The following KLHL30 variants were observed in gnomAD, a reference collection of about 807,000 sequenced individuals.
KLHL30 encodes the protein kelch-like protein 30.
Under a neutral mutation model 55.0 loss-of-function variants are expected in KLHL30, and 55 were observed. The ratio of observed to expected loss-of-function variants is 1.00; its 90% CI spans 0.80 to 1.25. KLHL30 has a LOEUF of 1.25. Ranked by LOEUF, KLHL30 falls within the 50% of genes most tolerant of loss-of-function variation. The probability of loss-of-function intolerance (pLI) is 0.00; values close to 1 mark genes in which losing one functional copy is unlikely to be tolerated. For synonymous variants in KLHL30, 356 were observed against 372.6 expected (o/e 0.96, Z 0.51); for missense variants, 786 against 811.6 (o/e 0.97, Z 0.38).
chr2:238,150,291 C>T lies in KLHL30; in HGVS notation c.1486-523C>T, dbSNP rs541625631. ...ACAGACCGGCCTCCCGCTTCCCACC[C>T]GCCCGGGCTCTTCCTGAAGCCGCAG... On this transcript the variant is annotated intron_variant, in intron 7 of 7. Transcript: ENST00000409223. 4.6e-5 allele frequency among the ~76,000 whole-genome samples: 7 copies of T among 152,326 alleles called. No homozygotes were observed. In the South Asian group the frequency reaches 8.3e-4, roughly 18 times the overall value.
chr2:238,150,991 T>C lies in KLHL30; in HGVS notation c.1663T>C (p.Tyr555His). ...RHGALPRLWLYHGASTVFLDV... is the reference protein window; with the variant it reads ...RHGALPRLWLHHGASTVFLDV... ...CGGCGCCCTGCCCCGGCTCTGGCTC[T>C]ACCACGGGGCCTCCACCGTCTTCCT... Residue 555 changes from tyrosine to histidine, a missense_variant, in exon 8 of 8, where the codon TAC (tyrosine) becomes CAC (histidine). Transcript: ENST00000409223. The C allele has an allele frequency of 6.3e-7, 1 of 1,589,530 alleles. No individual in the cohort carries two copies. The highest frequency in any genetic ancestry group is 2.3e-5 in the East Asian group (1 of 43,394).
rs924096428 is a variant in KLHL30 at position 238,150,801 on chromosome 2, T to A, written c.1486-13T>A. On this transcript the variant is annotated splice_polypyrimidine_tract_variant and intron_variant, in intron 7 of 7. Coordinates refer to ENST00000409223, the MANE Select transcript of KLHL30 (RefSeq NM_198582.4). ...TCCCGCCCACCGGACGCTAACCCGC[T>A]GACCGTGCACAGGTGCAGTCACAGC... The A allele has an allele frequency of 5.7e-6, 9 of 1,569,324 alleles. No individual in the cohort carries two copies. In the African/African-American group the frequency reaches 1.2e-4, roughly 21 times the overall value.
chr2:238,149,968 G>A (rs1253354650), intron 7 of KLHL30, among the ~76,000 whole-genome samples: 1 of 152,166 alleles, frequency 6.6e-6, no homozygotes, highest in Non-Finnish European at 1.5e-5. Context: ...ACTCCTTCCT[G>A]CAGCCCCCCT....
At chr2:238,149,357 G>A (rs1346781439) in intron 7 of KLHL30, among the ~76,000 whole-genome samples, 1 of 151,794 alleles carries the variant, frequency 6.6e-6, no homozygotes, top group Non-Finnish European at 1.5e-5. Flanking sequence ...GAAGAGGGTG[G>A]CGCAGGCTGG....
Position 238,151,225 on chromosome 2 carries a change from C to A in KLHL30, c.*160C>A. ...TGATCAGACGGCATGGCTTGGAGGA[C>A]ACAGCCTTGGTCTCTGTGGCCACCA... On this transcript the variant is annotated 3_prime_UTR_variant, in exon 8 of 8. Coordinates refer to ENST00000409223, the MANE Select transcript of KLHL30 (RefSeq NM_198582.4). 1 of 1,026,240 alleles carries A rather than the reference C, an allele frequency of 9.7e-7. No individual in the cohort carries two copies. The highest frequency in any genetic ancestry group is 1.4e-6 in the Non-Finnish European group (1 of 719,020). The allele number at this position is 1,026,240 out of a possible 1,614,324, so 63.6% of individuals were successfully genotyped here. A position where few individuals can be genotyped will look rare whatever the true frequency, so the allele number is the denominator to read the frequency against.
In KLHL30 at chr2:238,145,795, C is replaced by T; in HGVS notation, c.1113C>T (p.Ala371=). The T allele has an allele frequency of 1.9e-6, 3 of 1,608,080 alleles. No individual in the cohort carries two copies. The highest frequency in any genetic ancestry group is 2.5e-6 in the Non-Finnish European group (3 of 1,178,074). The part of the protein sequence containing the change: ...APMLKPRTNH[A]SAALNGEIYV... ...TGCTGAAGCCCCGCACCAACCACGC[C>T]AGCGCGGCCCTCAATGGGGAGATCT... Residue 371 remains alanine (A), a synonymous_variant, in exon 5 of 8, where the codon GCC becomes GCT. Coordinates refer to ENST00000409223, the MANE Select transcript of KLHL30 (RefSeq NM_198582.4).
chr2:238,140,641 T>G, intron 1 of KLHL30, 44 bp from the exon 2 acceptor site: 88 of 1,155,682 alleles, frequency 7.6e-5, no homozygotes, highest in Non-Finnish European at 9.6e-5. Flanking sequence ...CTCAGGAGGA[T>G]GAGACCATCC....
chr2:238,145,919 C>T, intron 5 of KLHL30, 87 bp downstream of exon 5: 1 of 1,396,334 alleles, frequency 7.2e-7, no homozygotes, highest in South Asian at 1.5e-5. Flanking sequence ...CCATGCTGGC[C>T]TCGGAGACCA....
chr2:238,141,346 G>A lies in KLHL30; in HGVS notation c.592G>A (p.Glu198Lys), dbSNP rs374895266. 15 of 1,596,980 alleles carry A rather than the reference G, an allele frequency of 9.4e-6. No homozygotes were observed. Among genetic ancestry groups the A allele is most frequent in the East Asian group, 4.5e-5 (2 of 44,676 alleles). ...LQVQPEQSRLEALMRWVRHDP... is the reference protein window; with the variant it reads ...LQVQPEQSRLKALMRWVRHDP... ...GGTACAGCCGGAGCAAAGCCGACTCGAGGCCCTGATGCGCTGGGTGCGCCA... is the reference window on the plus strand; with the variant it reads ...GGTACAGCCGGAGCAAAGCCGACTCAAGGCCCTGATGCGCTGGGTGCGCCA... Residue 198 changes from glutamate to lysine, a missense_variant, in exon 2 of 8, where the codon GAG becomes AAG. Glu to Lys is a moderately conservative substitution (Grantham distance 56). Coordinates refer to ENST00000409223, the MANE Select transcript of KLHL30 (RefSeq NM_198582.4).
intron 3 of KLHL30, among the ~76,000 whole-genome samples, chr2:238,144,436 C>CAGGA (rs1692609746): frequency 1.3e-5 from 1 of 78,456 alleles, no homozygotes; most frequent in Admixed American, 1.3e-4. Flanking sequence ...GGAAGGAAGG[C>CAGGA]AGGCAGGCAG....
intron 2 of KLHL30, among the ~76,000 whole-genome samples, 183 bp downstream of exon 2, chr2:238,141,711 G>T (rs1049250029): frequency 1.3e-5 from 2 of 152,256 alleles, no homozygotes; most frequent in Admixed American, 1.3e-4. Flanking sequence ...TGCAGATCAT[G>T]CCTCTGTGTG....
At chr2:238,148,144 G>C in intron 6 of KLHL30, 122 bp downstream of exon 6, 1 of 973,540 alleles carries the variant, frequency 1.0e-6, no homozygotes, top group Non-Finnish European at 1.4e-6. Flanking sequence ...GGTGGAGAGA[G>C]CCGGCGGCCG....
Position 238,147,844 on chromosome 2 carries a change from G to A in KLHL30, c.1161G>A (p.Leu387=), listed in dbSNP as rs370836245. ...GCCCTCACCCCACAGGCACCACCCTGGACGTGGTGGAGGTGGAGAGCTATG... is the reference window on the plus strand; with the variant it reads ...GCCCTCACCCCACAGGCACCACCCTAGACGTGGTGGAGGTGGAGAGCTATG... The part of the protein sequence containing the change: ...GEIYVIGGTT[L]DVVEVESYDP... The change falls in exon 6 of 8, where the codon CTG becomes CTA. Residue 387 remains leucine (L), a synonymous_variant. Transcript: ENST00000409223. The surrounding 1 kb of genome is among the most constrained non-coding windows in gnomAD (Gnocchi z 5.8). The A allele has an allele frequency of 5.9e-6, 9 of 1,514,754 alleles. No homozygotes were observed. The African/African-American group carries it at 9.9e-5, about 17-fold the overall frequency. 93.8% of individuals were successfully genotyped at this position (1,514,754 alleles called of 1,614,324 possible).
chr2:238,140,914 A>C lies in KLHL30; in HGVS notation c.160A>C (p.Ser54Arg), dbSNP rs943950632. ...LPCHRGLLAL[S>R]SPYFHAMFAG... ...ATGCCACCGCGGCCTCCTGGCGCTC[A>C]GCAGCCCCTACTTCCATGCCATGTT... Residue 54 changes from serine (S) to arginine (R), a missense_variant, in exon 2 of 8, where the codon AGC becomes CGC. By Grantham distance (110) the Ser-to-Arg change is moderately radical. Coordinates refer to ENST00000409223, the MANE Select transcript of KLHL30 (RefSeq NM_198582.4). 5 of 1,610,766 alleles carry C rather than the reference A, an allele frequency of 3.1e-6. No individual in the cohort carries two copies. In the African/African-American group the frequency reaches 6.7e-5, roughly 22 times the overall value.
At position 238,141,032 on chromosome 2, in the gene KLHL30, C is replaced by A; in HGVS notation, c.278C>A (p.Thr93Lys). The A allele has an allele frequency of 6.2e-7, 1 of 1,612,370 alleles. No homozygotes were observed. Among genetic ancestry groups the A allele is most frequent in the Non-Finnish European group, 8.5e-7 (1 of 1,179,600 alleles). Residue 93 changes from threonine (T) to lysine (K), a missense_variant, in exon 2 of 8, where the codon ACA (threonine) becomes AAA (lysine). Physicochemically the swap from Thr to Lys is moderately conservative, Grantham distance 78 (BLOSUM62 -1). Transcript: ENST00000409223. ...GGACAACTGGTGGACTTCGTGTACA[C>A]AGGCCGGCTGACCATCACGCAGGGC... The part of the protein sequence containing the change: ...VVGQLVDFVY[T>K]GRLTITQGNV...
intron 2 of KLHL30, among the ~76,000 whole-genome samples, chr2:238,142,145 C>T (rs567808525): frequency 6.6e-6 from 1 of 152,316 alleles, no homozygotes; most frequent in African/African-American, 2.4e-5. Flanking sequence ...AGCTGCCGGG[C>T]ACCCTGCTCA....
In KLHL30 at chr2:238,148,959, C is replaced by T. The variant is rs370137031; in HGVS notation, c.1340-48C>T. ...CAGAGTGGGGCACAGTGCTAGTGCC[C>T]GCTCTGGCAACCCTGGTGACGGTGG... On this transcript the variant is annotated intron_variant, in intron 6 of 7. Coordinates refer to ENST00000409223, the MANE Select transcript of KLHL30 (RefSeq NM_198582.4). 16 of 1,546,262 alleles carry T rather than the reference C, an allele frequency of 1.0e-5. No individual in the cohort carries two copies. In the African/African-American group the frequency reaches 1.1e-4, roughly 11 times the overall value.
In KLHL30 at chr2:238,150,908, G is replaced by A. The variant is rs1692743425; in HGVS notation, c.1580G>A (p.Gly527Asp). The A allele has an allele frequency of 1.3e-6, 2 of 1,599,254 alleles. No individual in the cohort carries two copies. The highest frequency in any genetic ancestry group is 1.3e-5 in the African/African-American group (1 of 74,676). The change falls in exon 8 of 8, where the codon GGT becomes GAT. Residue 527 changes from glycine (G) to aspartate (D), a missense_variant. Physicochemically the swap from Gly to Asp is moderately conservative, Grantham distance 94. Transcript: ENST00000409223. ...VTGGRWQGMEGDYHVEMEAYD... is the reference protein window; with the variant it reads ...VTGGRWQGMEDDYHVEMEAYD... ...GGCGGCCGCTGGCAGGGCATGGAAG[G>A]TGACTACCACGTGGAGATGGAGGCC...
intron 5 of KLHL30, among the ~76,000 whole-genome samples, chr2:238,146,400 G>A (rs975030314): frequency 6.6e-6 from 1 of 150,458 alleles, no homozygotes; most frequent in South Asian, 2.1e-4. Context: ...ATTTATTTAT[G>A]TATTTTTTAT....
Sources: allele counts gnomAD v4.1 joint callset (sites outside exome capture counted in the v4.1 genomes callset), GRCh38; gene constraint gnomAD v4.1.1; non-coding constraint Gnocchi (gnomAD v3.1); transcripts MANE v1.5; gene names NCBI Gene and HGNC (gene_info 2026-07-23, HGNC 2026-07-21).